The following FAM219A variants were observed in gnomAD, a reference collection of about 807,000 sequenced individuals.
The protein encoded by FAM219A is family with sequence similarity 219 member A, also known as protein FAM219A.
Under a neutral mutation model 23.4 loss-of-function variants are expected in FAM219A, and 7 were observed. The ratio of observed to expected loss-of-function variants is 0.30; its 90% CI spans 0.17 to 0.56. FAM219A has a LOEUF of 0.56. Among genes scored for constraint, FAM219A ranks in the 20% least tolerant of loss-of-function variants. The probability of loss-of-function intolerance (pLI) is 0.92; values close to 1 mark genes in which losing one functional copy is unlikely to be tolerated. For synonymous variants in FAM219A, 93 were observed against 99.0 expected, an observed-to-expected ratio of 0.94 and a Z score of 0.36; for missense variants, 166 against 246.9, an observed-to-expected ratio of 0.67 and a Z score of 2.20.
chr9:34,418,372 T>TA (rs774414913), intron 1 of FAM219A, among the ~76,000 whole-genome samples: 3 of 152,186 alleles, frequency 2.0e-5, no homozygotes, highest in African/African-American at 7.2e-5. Context: ...AACCCTGTCA[T>TA]AAAAAATTCT....
rs1588082072 is a variant in FAM219A, at chr9:34,457,118, G to A, written c.60+1086C>T. 6.6e-6 allele frequency among the ~76,000 whole-genome samples: 1 copy of A among 152,174 alleles called. No homozygotes were observed. The highest frequency in any genetic ancestry group is 1.5e-5 in the Non-Finnish European group (1 of 68,028). The stretch of plus-strand genomic sequence containing the variant: ...AGCCAGCACAGCTCAGAGAAATGGG[G>A]CATCCACACTTTCGGATTTGTAGCC... On this transcript the variant is annotated intron_variant, in intron 1 of 5. Transcript: ENST00000651358. This position sits in a 1 kb window ranked among gnomAD's most constrained non-coding sequence, Gnocchi z 5.1.
intron 1 of FAM219A, among the ~76,000 whole-genome samples, chr9:34,416,553 C>T (rs915343279): frequency 1.3e-5 from 2 of 151,962 alleles, no homozygotes; most frequent in Non-Finnish European, 2.9e-5. Flanking sequence ...CACTTGAGGC[C>T]AGGAGTTCGA....
At chr9:34,403,121 T>A (rs1004056426) in intron 2 of FAM219A, among the ~76,000 whole-genome samples, 7 of 152,078 alleles carry the variant, frequency 4.6e-5, no homozygotes, top group African/African-American at 1.7e-4. Flanking sequence ...CACAGAAGGA[T>A]GGCGCAGTCA....
At chr9:34,437,706 ACT>A (rs1290559009) in intron 1 of FAM219A, among the ~76,000 whole-genome samples, 5 of 152,242 alleles carry the variant, frequency 3.3e-5, no homozygotes, top group Non-Finnish European at 7.3e-5. Context: ...TAAATGAAAC[ACT>A]GTGTGTCTGG....
At chr9:34,402,865 T>C (rs1821501130) in intron 2 of FAM219A, 58 bp from the exon 3 acceptor site, 1 of 1,525,144 alleles carries the variant, frequency 6.6e-7, no homozygotes, top group Non-Finnish European at 9.0e-7. Context: ...CCTGTCTTAC[T>C]ACTCAGGGCA....
intron 5 of FAM219A, among the ~76,000 whole-genome samples, chr9:34,401,461 G>A (rs573448145): frequency 1.7e-4 from 26 of 152,304 alleles, no homozygotes; most frequent in African/African-American, 5.5e-4. Flanking sequence ...GCAATCTAAA[G>A]CCCCACTCCT....
At chr9:34,433,562 C>A (rs1399388107) in intron 1 of FAM219A, among the ~76,000 whole-genome samples, 1 of 152,170 alleles carries the variant, frequency 6.6e-6, no homozygotes, top group African/African-American at 2.4e-5. Context: ...TTGCTCAAGA[C>A]CTTCTGATAG....
chr9:34,438,228 C>T (rs374464547), intron 1 of FAM219A, among the ~76,000 whole-genome samples: 4 of 152,232 alleles, frequency 2.6e-5, no homozygotes, highest in East Asian at 3.9e-4. Flanking sequence ...GGCTCCTGTG[C>T]GGCCATGAGC....
rs1462076217 is a variant in FAM219A, at chr9:34,399,577, A to T, written c.*1387T>A. The T allele has an allele frequency of 6.6e-6, 1 of 152,244 alleles. No homozygotes were observed. Among genetic ancestry groups the T allele is most frequent in the African/African-American group, 2.4e-5 (1 of 41,460 alleles). 9.4% of individuals were successfully genotyped at this position (152,244 alleles called of 1,614,324 possible). ...TGCCCCTTCGCCTTTCTACAGAGAC[A>T]CACAACTCCGCCCCACCCCAACCTT... On this transcript the variant is annotated 3_prime_UTR_variant, in exon 6 of 6. Coordinates refer to ENST00000651358, the MANE Select transcript of FAM219A (RefSeq NM_001184940.2).
At chr9:34,449,322 A>C (rs996402975) in intron 1 of FAM219A, among the ~76,000 whole-genome samples, 1 of 152,220 alleles carries the variant, frequency 6.6e-6, no homozygotes, top group African/African-American at 2.4e-5. Flanking sequence ...TAAAGTACTA[A>C]ATGGCTAGTG....
rs77376394 is a variant in FAM219A, at chr9:34,429,221, G to T, written c.61-23257C>A. Among the ~76,000 whole-genome samples, 520 of 152,304 alleles carry T rather than the reference G, an allele frequency of 3.4e-3. 2 individuals carry two copies. Among genetic ancestry groups the T allele is most frequent in the African/African-American group, 0.012 (479 of 41,556 alleles). ...TAGCATCAATTTCTTTGACCAGGAG[G>T]TTCTTTGAGGTATAATGCATGCCTT... On this transcript the variant is annotated intron_variant, in intron 1 of 5. Transcript: ENST00000651358.
intron 1 of FAM219A, among the ~76,000 whole-genome samples, chr9:34,441,837 C>T (rs539901851): frequency 9.2e-5 from 14 of 152,310 alleles, no homozygotes; most frequent in Non-Finnish European, 1.8e-4. Flanking sequence ...TCAAGCAATC[C>T]TCCTGCCTGC....
At chr9:34,412,571 G>A (rs1821860564) in intron 1 of FAM219A, among the ~76,000 whole-genome samples, 2 of 142,910 alleles carry the variant, frequency 1.4e-5, no homozygotes, top group Non-Finnish European at 3.0e-5. Flanking sequence ...AAGTCACAGT[G>A]AAGAATAAAG....
intron 1 of FAM219A, among the ~76,000 whole-genome samples, chr9:34,421,009 T>TGTGTGTGTGTGTGTGAGAGAGAGAGAGA (rs1554677406): frequency 1.2e-5 from 1 of 86,358 alleles, no homozygotes; most frequent in Non-Finnish European, 2.2e-5. Flanking sequence ...TGTGTGTGTG[T>TGTGTGTGTGTGTGTGAGAGAGAGAGAGA]GAGAGAGAGA....
At position 34,458,360 on chromosome 9, in the gene FAM219A, G is replaced by A; in HGVS notation, c.-97C>T. The A allele has an allele frequency of 2.2e-6, 2 of 896,598 alleles. No homozygotes were observed. Among genetic ancestry groups the A allele is most frequent in the Non-Finnish European group, 2.9e-6 (2 of 696,034 alleles). 55.5% of individuals were successfully genotyped at this position (896,598 alleles called of 1,614,324 possible). ...CCCCAGGAGCCCGGCGGGTGGTGCAGACTAGGCCTCCCCGGACCACTCGGG... is the reference window on the plus strand; with the variant it reads ...CCCCAGGAGCCCGGCGGGTGGTGCAAACTAGGCCTCCCCGGACCACTCGGG... On this transcript the variant is annotated 5_prime_UTR_variant, in exon 1 of 6. Coordinates refer to ENST00000651358, the MANE Select transcript of FAM219A (RefSeq NM_001184940.2). This position sits in a 1 kb window ranked among gnomAD's most constrained non-coding sequence, Gnocchi z 6.6.
intron 1 of FAM219A, among the ~76,000 whole-genome samples, chr9:34,425,218 T>C (rs72735203): frequency 0.11 from 17,149 of 152,190 alleles, 1,120 homozygotes; most frequent in Non-Finnish European, 0.14. Context: ...CAGTGGCTCA[T>C]ACCTGTAATC....
intron 1 of FAM219A, among the ~76,000 whole-genome samples, chr9:34,432,223 C>CA (rs1401601628): frequency 6.6e-6 from 1 of 152,176 alleles, no homozygotes; most frequent in Non-Finnish European, 1.5e-5. Context: ...CATTCTTCTC[C>CA]AGGGGCTCCT....
chr9:34,425,821 G>T (rs1329333823), intron 1 of FAM219A, among the ~76,000 whole-genome samples: 3 of 152,272 alleles, frequency 2.0e-5, no homozygotes, highest in Non-Finnish European at 4.4e-5. Flanking sequence ...CATATTCTGG[G>T]AAAGAACAGC....
rs1588023976 is a variant in FAM219A at position 34,398,370 on chromosome 9, G to A, written c.*2594C>T. The A allele has an allele frequency of 1.3e-6, 2 of 1,550,626 alleles. No homozygotes were observed. The highest frequency in any genetic ancestry group is 8.7e-7 in the Non-Finnish European group (1 of 1,146,936). On this transcript the variant is annotated 3_prime_UTR_variant, in exon 6 of 6. Transcript: ENST00000651358. ...CTGGGTGGCAGCCACAGCTGAGAGA[G>A]GAGGGAGTGTTAAGGCAGTATCTAC...
Sources: gnomAD v4.1 joint callset for allele counts (sites outside exome capture counted in the v4.1 genomes callset) on GRCh38, gnomAD v4.1.1 for gene constraint, Gnocchi (gnomAD v3.1) non-coding constraint, MANE v1.5 for transcripts, NCBI Gene and HGNC (gene_info 2026-07-23, HGNC 2026-07-21) for gene names.